CPEB2: variants seen among roughly 807,000 people sequenced by gnomAD.
CPEB2 encodes the protein cytoplasmic polyadenylation element-binding protein 2.
In CPEB2, 56 loss-of-function variants were observed where a neutral mutation model predicts 93.6. The observed-to-expected ratio is 0.60, with a 90% CI of 0.48 to 0.75. The LOEUF (loss-of-function observed/expected upper bound fraction) is 0.75. CPEB2 is among the 30% of genes least tolerant of loss of function. The pLI is 0.00. For missense variants in CPEB2, 1,579 were observed against 1,395.1 expected (o/e 1.13, Z -2.10); for synonymous variants, 764 against 586.3 (o/e 1.30, Z -4.38).
chr4:15,050,468 A>C (rs1168053758), intron 6 of CPEB2, among the ~76,000 whole-genome samples: 3 of 152,118 alleles, frequency 2.0e-5, no homozygotes, highest in African/African-American at 7.2e-5. Context: ...AAAGAAAAAC[A>C]ACTTGTCCAT....
rs141509301 is a variant in CPEB2, at chr4:15,059,495, G to A, written c.2695+194G>A. ...GCCCCCTCTTGAAACTCTCCAACTG[G>A]AGAATTGGGTACTTATCTATCAATA... On this transcript the variant is annotated intron_variant, in intron 10 of 11. Transcript: ENST00000538197. Among the ~76,000 whole-genome samples the A allele has an allele frequency of 2.9e-3, 447 of 152,186 alleles. 5 individuals carry two copies. The highest frequency in any genetic ancestry group is 0.011 in the African/African-American group (442 of 41,550).
Position 15,003,730 on chromosome 4 carries a change from G to T in CPEB2, c.1057G>T (p.Gly353Cys), listed in dbSNP as rs867914801. 1.5e-6 allele frequency: 2 copies of T among 1,299,196 alleles called. No individual in the cohort carries two copies. Among genetic ancestry groups the T allele is most frequent in the African/African-American group, 1.5e-5 (1 of 65,396 alleles). 80.5% of individuals were successfully genotyped at this position (1,299,196 alleles called of 1,614,324 possible). Residue 353 changes from glycine (G) to cysteine (C), a missense_variant, in exon 1 of 12, where the codon GGC becomes TGC. Coordinates refer to ENST00000538197, the MANE Select transcript of CPEB2 (RefSeq NM_001177382.2). ...QSPDLPHPGGGGGGGGGGPPG... is the reference protein window; with the variant it reads ...QSPDLPHPGGCGGGGGGGPPG... ...CCCGGACCTTCCACACCCGGGCGGC[G>T]GCGGCGGCGGCGGGGGCGGGGGGCC...
chr4:15,003,274 C>A lies in CPEB2; in HGVS notation c.601C>A (p.Pro201Thr). ...CTCGAAGCCGCCGCCGCCGCCTCCG[C>A]CGCTCCACTGCCCCGGTCGGTTCAG... is the stretch of plus-strand genomic sequence containing the variant. ...PDSKPPPPPPPLHCPGRFSPP... is the reference protein window; with the variant it reads ...PDSKPPPPPPTLHCPGRFSPP... The change falls in exon 1 of 12, where the codon CCG becomes ACG. Residue 201 changes from proline to threonine, a missense_variant. Pro to Thr is a conservative substitution (Grantham distance 38, BLOSUM62 -1). This residue lies in a region of CPEB2 where 1,411 missense variants were observed against 1,056.0 expected (regional missense o/e 1.34). Transcript: ENST00000538197. The A allele has an allele frequency of 1.3e-6, 2 of 1,525,176 alleles. No individual in the cohort carries two copies. The highest frequency in any genetic ancestry group is 1.8e-6 in the Non-Finnish European group (2 of 1,142,110). The allele number at this position is 1,525,176 out of a possible 1,614,324, so 94.5% of individuals were successfully genotyped here. A position where few individuals can be genotyped will look rare whatever the true frequency, so the allele number is the denominator to read the frequency against.
chr4:15,031,213 C>A (rs369722452), intron 4 of CPEB2, among the ~76,000 whole-genome samples: 1 of 151,850 alleles, frequency 6.6e-6, no homozygotes, highest in African/African-American at 2.4e-5. Flanking sequence ...CTGTCAGTAT[C>A]GTAGATTTAA....
chr4:15,064,622 A>G (rs191173717), intron 11 of CPEB2, among the ~76,000 whole-genome samples: 7 of 152,194 alleles, frequency 4.6e-5, no homozygotes, highest in Admixed American at 1.3e-4. Flanking sequence ...CAGAAAACAT[A>G]TGTAAATGTA....
intron 6 of CPEB2, among the ~76,000 whole-genome samples, chr4:15,046,761 C>T (rs927795616): frequency 2.0e-5 from 3 of 152,160 alleles, no homozygotes; most frequent in Admixed American, 1.3e-4. Context: ...TTTCCAGTAG[C>T]GTATTGCTTG....
intron 3 of CPEB2, among the ~76,000 whole-genome samples, chr4:15,013,718 G>A (rs1027069022): frequency 1.3e-5 from 2 of 152,036 alleles, no homozygotes; most frequent in African/African-American, 4.8e-5. Flanking sequence ...ATTTTGAGAT[G>A]TCATGTGCTC....
Position 15,067,875 on chromosome 4 carries a change from T to A in CPEB2, c.*1495T>A, listed in dbSNP as rs1350883652. The A allele has an allele frequency of 6.6e-6, 1 of 152,366 alleles. No individual in the cohort carries two copies. The highest frequency in any genetic ancestry group is 2.4e-5 in the African/African-American group (1 of 41,428). 9.4% of individuals were successfully genotyped at this position (152,366 alleles called of 1,614,324 possible). ...TTTTTGAAAATTTTCATGAAGGAAT[T>A]TTGGTAATGACTTTGCTTGCAGGTT... is the stretch of plus-strand genomic sequence containing the variant. On this transcript the variant is annotated 3_prime_UTR_variant, in exon 12 of 12. Transcript: ENST00000538197.
chr4:15,062,586 A>G (rs532719739), intron 11 of CPEB2, among the ~76,000 whole-genome samples: 2 of 152,200 alleles, frequency 1.3e-5, no homozygotes, highest in African/African-American at 4.8e-5. Flanking sequence ...ATTGAACCCC[A>G]TTTCTACAAA....
At chr4:15,052,652 A>G in intron 7 of CPEB2, 68 bp downstream of exon 7, 1 of 1,061,566 alleles carries the variant, frequency 9.4e-7, no homozygotes, top group Non-Finnish European at 1.3e-6. Flanking sequence ...TATGAAATTT[A>G]ATGTGAATGG....
chr4:15,003,912 CCAGCCG>C lies in CPEB2; in HGVS notation c.1253_1258del (p.Gln418_Pro419del), dbSNP rs923144503. 34 of 1,010,444 alleles carry C rather than the reference CCAGCCG, an allele frequency of 3.4e-5. No individual in the cohort carries two copies. Among genetic ancestry groups the C allele is most frequent in the South Asian group, 1.3e-4 (3 of 23,970 alleles). 62.6% of individuals were successfully genotyped at this position (1,010,444 alleles called of 1,614,324 possible). ...AGCCGCCGCCACCCCAGCAGCCGCC[CCAGCCG>C]CAGCCGCAGCCGCCCGGCTCGTCTG... On this transcript the variant is annotated inframe_deletion, in exon 1 of 12. Transcript: ENST00000538197.
intron 8 of CPEB2, among the ~76,000 whole-genome samples, chr4:15,054,645 G>A (rs1728548946): frequency 6.6e-6 from 1 of 152,024 alleles, no homozygotes; most frequent in Non-Finnish European, 1.5e-5. Context: ...AAAACTTGAG[G>A]AAGATGCTTA....
chr4:15,007,625 A>G (rs1259804980), intron 2 of CPEB2, 39 bp downstream of exon 2: 1 of 1,336,236 alleles, frequency 7.5e-7, no homozygotes, highest in Non-Finnish European at 1.0e-6. Context: ...TCTAATGTTA[A>G]TCTTTCAAAA....
chr4:15,063,426 TTTCTGAAC>T (rs1159121881), intron 11 of CPEB2, among the ~76,000 whole-genome samples: 2 of 151,994 alleles, frequency 1.3e-5, no homozygotes, highest in Non-Finnish European at 2.9e-5. Flanking sequence ...ATACGTAACT[TTTCTGAAC>T]TTGTCTGAAC....
In CPEB2 at chr4:15,007,497, C is replaced by T. The variant is rs1185682914; in HGVS notation, c.1855C>T (p.Arg619Cys). Reference protein sequence around the residue: ...GNVIAPPKFTRSTPSLTPKSW... With the variant: ...GNVIAPPKFTCSTPSLTPKSW... ...TGTCATAGCACCACCGAAATTTACT[C>T]GCTCAACTCCATCACTGACTCCAAA... is the stretch of plus-strand genomic sequence containing the variant. Residue 619 changes from arginine to cysteine, a missense_variant, in exon 2 of 12, where the codon CGC (arginine) becomes TGC (cysteine). By Grantham distance (180) the Arg-to-Cys change is radical. This residue lies in a region of CPEB2 where 1,411 missense variants were observed against 1,056.0 expected (regional missense o/e 1.34). Transcript: ENST00000538197. The T allele has an allele frequency of 5.6e-6, 9 of 1,614,030 alleles. No homozygotes were observed. Among genetic ancestry groups the T allele is most frequent in the South Asian group, 1.1e-5 (1 of 91,070 alleles).
chr4:15,055,819 T>G (rs188270550), intron 8 of CPEB2, among the ~76,000 whole-genome samples: 87 of 152,318 alleles, frequency 5.7e-4, no homozygotes, highest in East Asian at 5.8e-4. Context: ...GCCTCAGTGC[T>G]TTTATGTATG....
At chr4:15,040,178 C>T (rs1157313727) in intron 5 of CPEB2, among the ~76,000 whole-genome samples, 1 of 152,088 alleles carries the variant, frequency 6.6e-6, no homozygotes, top group Non-Finnish European at 1.5e-5. Flanking sequence ...TCTTCATTAG[C>T]TGAAACAAAT....
chr4:15,036,969 G>A (rs551399026), intron 5 of CPEB2, among the ~76,000 whole-genome samples: 27 of 152,280 alleles, frequency 1.8e-4, no homozygotes, highest in Admixed American at 3.3e-4. Context: ...CCAGTGGAAT[G>A]AGTGGAGGAG....
At chr4:15,027,767 A>G (rs1725640931) in intron 4 of CPEB2, among the ~76,000 whole-genome samples, 1 of 152,178 alleles carries the variant, frequency 6.6e-6, no homozygotes, top group South Asian at 2.1e-4. Flanking sequence ...TATATAACAT[A>G]CCATACATAT....
Sources: allele counts gnomAD v4.1 joint callset (sites outside exome capture counted in the v4.1 genomes callset), GRCh38; gene constraint gnomAD v4.1.1; regional missense constraint gnomAD v4.1.1; transcripts MANE v1.5; gene names NCBI Gene and HGNC (gene_info 2026-07-23, HGNC 2026-07-21).